Variants in TOM1L2 observed in about 807,000 individuals in gnomAD.
The protein encoded by TOM1L2 is target of myb1 like 2 membrane trafficking protein, also known as TOM1-like protein 2.
In TOM1L2, 31 loss-of-function variants were observed where a neutral mutation model predicts 67.9. The ratio of observed to expected loss-of-function variants is 0.46; its 90% CI spans 0.34 to 0.62. The LOEUF is 0.62. TOM1L2 is among the 20% of genes least tolerant of loss of function. The probability of loss-of-function intolerance (pLI) is 0.01; values close to 1 mark genes in which losing one functional copy is unlikely to be tolerated. For synonymous variants in TOM1L2, 256 were observed against 254.0 expected (o/e 1.01, Z -0.07); for missense variants, 606 against 663.5 (o/e 0.91, Z 0.95).
chr17:17,908,149 C>T (rs1201664147), intron 1 of TOM1L2, among the ~76,000 whole-genome samples: 2 of 152,174 alleles, frequency 1.3e-5, no homozygotes, highest in Non-Finnish European at 2.9e-5. Flanking sequence ...TTGGGTGTTT[C>T]ACGTACATTA....
At chr17:17,933,770 A>G (rs2040419229) in intron 1 of TOM1L2, among the ~76,000 whole-genome samples, 1 of 152,210 alleles carries the variant, frequency 6.6e-6, no homozygotes, top group South Asian at 2.1e-4. Context: ...TTACAACCAC[A>G]ACTCAAGTTT....
At chr17:17,915,938 A>G (rs757829832) in intron 1 of TOM1L2, among the ~76,000 whole-genome samples, 140 of 145,160 alleles carry the variant, frequency 9.6e-4, no homozygotes, top group Non-Finnish European at 2.0e-3. Flanking sequence ...CACTCTCTTG[A>G]TTGTATCTTT....
intron 12 of TOM1L2, among the ~76,000 whole-genome samples, chr17:17,860,799 C>T (rs868857691): frequency 1.3e-5 from 2 of 152,214 alleles, no homozygotes; most frequent in Non-Finnish European, 2.9e-5. Context: ...TTCAGTAATC[C>T]GAAATTGTAC....
At chr17:17,940,228 G>A (rs984150344) in intron 1 of TOM1L2, among the ~76,000 whole-genome samples, 1 of 146,860 alleles carries the variant, frequency 6.8e-6, no homozygotes, top group Non-Finnish European at 1.5e-5. Flanking sequence ...AGGAAGAAGA[G>A]TTCTGCTGCA....
chr17:17,859,797 C>T (rs1435513896), intron 12 of TOM1L2: 1 of 152,226 alleles, frequency 6.6e-6, no homozygotes, highest in Non-Finnish European at 1.5e-5. Flanking sequence ...AGGACAATCG[C>T]TTGAACCTGG....
At chr17:17,876,881 C>T (rs1485870945) in intron 7 of TOM1L2, among the ~76,000 whole-genome samples, 1 of 152,226 alleles carries the variant, frequency 6.6e-6, no homozygotes, top group African/African-American at 2.4e-5. Context: ...CGCAGAAAGA[C>T]CCAACAGATA....
At chr17:17,909,188 AAAAC>A (rs942869314) in intron 1 of TOM1L2, among the ~76,000 whole-genome samples, 10 of 152,176 alleles carry the variant, frequency 6.6e-5, no homozygotes, top group East Asian at 3.8e-4. Flanking sequence ...CTCAAAAACA[AAAAC>A]AAACAAACAA....
intron 1 of TOM1L2, among the ~76,000 whole-genome samples, chr17:17,910,416 T>C (rs75504959): frequency 0.013 from 2,025 of 152,256 alleles, 22 homozygotes; most frequent in African/African-American, 0.041. Context: ...ATGACTGCAT[T>C]AGCAACCCTT....
At chr17:17,944,364 G>A (rs1314931964) in intron 1 of TOM1L2, among the ~76,000 whole-genome samples, 1 of 152,234 alleles carries the variant, frequency 6.6e-6, no homozygotes, top group Non-Finnish European at 1.5e-5. Flanking sequence ...GCTCACGGCT[G>A]CAGGAGGCTA....
At chr17:17,915,375 G>A (rs541073856) in intron 1 of TOM1L2, among the ~76,000 whole-genome samples, 2 of 152,312 alleles carry the variant, frequency 1.3e-5, no homozygotes, top group African/African-American at 4.8e-5. Flanking sequence ...GGCTTACCAG[G>A]TGTGAAGTGG....
intron 1 of TOM1L2, among the ~76,000 whole-genome samples, chr17:17,950,711 C>T (rs756461837): frequency 4.6e-5 from 7 of 152,056 alleles, no homozygotes; most frequent in Non-Finnish European, 8.8e-5. Context: ...CCAAGTGAAA[C>T]TACTTTTCAA....
intron 4 of TOM1L2, among the ~76,000 whole-genome samples, chr17:17,890,692 G>T (rs908500765): frequency 7.2e-5 from 11 of 152,214 alleles, no homozygotes; most frequent in African/African-American, 2.7e-4. Context: ...ACTCGTCTAT[G>T]CTGTGAGAGC....
At chr17:17,850,844 C>G (rs759271794) in intron 13 of TOM1L2, 49 bp downstream of exon 13, 13 of 1,601,466 alleles carry the variant, frequency 8.1e-6, no homozygotes, top group Non-Finnish European at 1.1e-5. Context: ...CTCAGAAGAG[C>G]CTCTGCCGCT....
intron 1 of TOM1L2, among the ~76,000 whole-genome samples, chr17:17,934,010 C>T (rs111629292): frequency 6.6e-6 from 1 of 151,996 alleles, no homozygotes; most frequent in African/African-American, 2.4e-5. Context: ...TCCACAGACA[C>T]ATTTAGATAC....
intron 11 of TOM1L2, 107 bp from the exon 12 acceptor site, chr17:17,861,658 G>T: frequency 1.0e-6 from 1 of 960,484 alleles, no homozygotes; most frequent in Non-Finnish European, 1.6e-6. Context: ...TTCCTCAGAT[G>T]TCCTTGGAAA....
Position 17,943,504 on chromosome 17 carries a change from T to C in TOM1L2, c.52+28758A>G, listed in dbSNP as rs112501627. 2.6e-5 allele frequency among the ~76,000 whole-genome samples: 4 copies of C among 152,222 alleles called. No homozygotes were observed. In the East Asian group the frequency reaches 5.8e-4, roughly 22 times the overall value. On this transcript the variant is annotated intron_variant, in intron 1 of 14. Coordinates refer to ENST00000379504, the MANE Select transcript of TOM1L2 (RefSeq NM_001082968.2). ...AGAATGTGGATGATCCAAAAGAGAA[T>C]GTAGGAATGTGAAGGCAAAGGAGAG... is the stretch of plus-strand genomic sequence containing the variant.
At chr17:17,969,817 C>T (rs1186440826) in intron 1 of TOM1L2, among the ~76,000 whole-genome samples, 2 of 152,040 alleles carry the variant, frequency 1.3e-5, no homozygotes, top group African/African-American at 4.8e-5. Context: ...TGTTTTCATA[C>T]ATTATCTCAT....
intron 1 of TOM1L2, among the ~76,000 whole-genome samples, chr17:17,923,149 G>A (rs1240547805): frequency 6.6e-6 from 1 of 151,734 alleles, no homozygotes. Context: ...TGTAATCCCA[G>A]CACTTTGGAA....
At chr17:17,951,263 C>T (rs1176343204) in intron 1 of TOM1L2, among the ~76,000 whole-genome samples, 1 of 152,124 alleles carries the variant, frequency 6.6e-6, no homozygotes, top group Non-Finnish European at 1.5e-5. Flanking sequence ...CTGGCAGGGA[C>T]CAGATCTGAG....
Sources: gnomAD v4.1 joint callset for allele counts (sites outside exome capture counted in the v4.1 genomes callset) on GRCh38, gnomAD v4.1.1 for gene constraint, MANE v1.5 for transcripts, NCBI Gene and HGNC (gene_info 2026-07-23, HGNC 2026-07-21) for gene names.